Variants in EZH2 observed in about 807,000 individuals in gnomAD.
EZH2 encodes histone-lysine N-methyltransferase EZH2.
A neutral mutation model predicts 98.4 loss-of-function variants in EZH2; 18 were observed. The observed-to-expected ratio is 0.18, with a 90% CI of 0.13 to 0.27. The LOEUF is 0.27. Among genes scored for constraint, EZH2 ranks in the 10% least tolerant of loss-of-function variants. The pLI, the probability that EZH2 is intolerant of heterozygous loss-of-function variation, is 1.00. For missense variants in EZH2, 470 were observed against 935.1 expected (o/e 0.50, Z 6.49); for synonymous variants, 338 against 312.3 (o/e 1.08, Z -0.87).
At chr7:148,810,675 G>GT (rs909167893) in intron 16 of EZH2, among the ~76,000 whole-genome samples, 4 of 152,122 alleles carry the variant, frequency 2.6e-5, no homozygotes, top group African/African-American at 4.8e-5. Flanking sequence ...TTTTTGCTGA[G>GT]TTTTTTAAAA....
chr7:148,837,138 C>G (rs1010676217), intron 3 of EZH2: 3 of 361,666 alleles, frequency 8.3e-6, no homozygotes, highest in African/African-American at 2.1e-5. Context: ...AGTGGACATC[C>G]CAAAGACAAC....
At chr7:148,807,786 G>A (rs1390519041) in intron 19 of EZH2, 80 bp from the exon 20 acceptor site, 15 of 688,204 alleles carry the variant, frequency 2.2e-5, no homozygotes, top group Non-Finnish European at 3.7e-5. Flanking sequence ...AAAGCCTGCT[G>A]AAGATAGTGG....
chr7:148,855,334 A>C (rs1816637028), intron 1 of EZH2, among the ~76,000 whole-genome samples: 1 of 152,262 alleles, frequency 6.6e-6, no homozygotes, highest in Non-Finnish European at 1.5e-5. Flanking sequence ...GAGAAGAGTT[A>C]GTTGTATTAA....
chr7:148,821,185 A>C (rs1482289479), intron 8 of EZH2: 3 of 152,082 alleles, frequency 2.0e-5, no homozygotes, highest in African/African-American at 4.8e-5. Flanking sequence ...ATAACTACAG[A>C]CAGTATAATT....
chr7:148,876,310 G>A (rs958541479), intron 1 of EZH2: 1 of 151,670 alleles, frequency 6.6e-6, no homozygotes, highest in Admixed American at 6.6e-5. Flanking sequence ...AAAAAGTTGA[G>A]AGAATGACTG....
intron 1 of EZH2, among the ~76,000 whole-genome samples, chr7:148,874,077 A>G (rs974499003): frequency 4.6e-5 from 7 of 152,184 alleles, no homozygotes; most frequent in African/African-American, 1.7e-4. Flanking sequence ...GATCAACAGG[A>G]GAAAGATATA....
chr7:148,846,447 TACA>T lies in EZH2; in HGVS notation c.246+20_246+22del, dbSNP rs1336272513. The stretch of plus-strand genomic sequence containing the variant: ...TAAACCAAAAGATGATGATAATTAC[TACA>T]ACATGTTATGTTAACCAACCTCCCT... On this transcript the variant is annotated intron_variant, in intron 3 of 19. Coordinates refer to ENST00000320356, the MANE Select transcript of EZH2 (RefSeq NM_004456.5). 4 of 1,601,818 alleles carry T rather than the reference TACA, an allele frequency of 2.5e-6. No individual in the cohort carries two copies. In the African/African-American group the frequency reaches 4.0e-5, roughly 16 times the overall value.
chr7:148,869,674 G>C (rs1303291006), intron 1 of EZH2, among the ~76,000 whole-genome samples: 1 of 152,206 alleles, frequency 6.6e-6, no homozygotes, highest in East Asian at 1.9e-4. Context: ...CTACCTGAGG[G>C]AACCTAGGCA....
chr7:148,857,831 A>G lies in EZH2; in HGVS notation c.-7-10526T>C, dbSNP rs1018416505. Among the ~76,000 whole-genome samples, 6 of 152,250 alleles carry G rather than the reference A, an allele frequency of 3.9e-5. No homozygotes were observed. In the South Asian group the frequency reaches 1.2e-3, roughly 32 times the overall value. On this transcript the variant is annotated intron_variant, in intron 1 of 19. Transcript: ENST00000320356. ...TATTTGTTAAAGCAAATTAGGTTACATAACAACCCAATGTAAAGGCATTCA... is the reference window on the plus strand; with the variant it reads ...TATTTGTTAAAGCAAATTAGGTTACGTAACAACCCAATGTAAAGGCATTCA...
intron 1 of EZH2, among the ~76,000 whole-genome samples, chr7:148,862,037 T>G (rs906199867): frequency 3.9e-5 from 6 of 152,144 alleles, no homozygotes; most frequent in African/African-American, 1.4e-4. Flanking sequence ...TGCTTTGATA[T>G]TACACCAAAA....
At chr7:148,851,704 A>G (rs1399143921) in intron 1 of EZH2, among the ~76,000 whole-genome samples, 1 of 152,152 alleles carries the variant, frequency 6.6e-6, no homozygotes, top group East Asian at 1.9e-4. Flanking sequence ...ATCTCAAATC[A>G]ATAAATAAGC....
At chr7:148,833,413 C>T (rs1417243923) in intron 3 of EZH2, among the ~76,000 whole-genome samples, 10 of 150,780 alleles carry the variant, frequency 6.6e-5, no homozygotes, top group Non-Finnish European at 7.4e-5. Flanking sequence ...GTCGAGATCG[C>T]GCCACTGCAC....
At chr7:148,848,836 C>T (rs1814895607) in intron 1 of EZH2, among the ~76,000 whole-genome samples, 1 of 152,076 alleles carries the variant, frequency 6.6e-6, no homozygotes, top group South Asian at 2.1e-4. Context: ...CAGGACACCC[C>T]TCGGATACCA....
At chr7:148,864,943 A>T (rs1043074085) in intron 1 of EZH2, among the ~76,000 whole-genome samples, 1 of 152,082 alleles carries the variant, frequency 6.6e-6, no homozygotes, top group Non-Finnish European at 1.5e-5. Context: ...CCTGGCCAAC[A>T]CGGTAAAACC....
At chr7:148,830,770 T>C (rs560647220) in intron 4 of EZH2, among the ~76,000 whole-genome samples, 15 of 152,152 alleles carry the variant, frequency 9.9e-5, no homozygotes, top group Non-Finnish European at 1.8e-4. Context: ...CAGAATAGAA[T>C]AGTTAAGCAT....
chr7:148,870,513 G>A (rs1213079871), intron 1 of EZH2, among the ~76,000 whole-genome samples: 4 of 151,866 alleles, frequency 2.6e-5, no homozygotes, highest in African/African-American at 9.7e-5. Flanking sequence ...ACCAGCCGGG[G>A]CAACATGGCG....
chr7:148,807,802 T>A, intron 19 of EZH2, 96 bp from the exon 20 acceptor site: 1 of 536,098 alleles, frequency 1.9e-6, no homozygotes, highest in Admixed American at 3.8e-5. Context: ...AGTGGGTGCA[T>A]TAAAATGTCT....
rs2129485367 is a variant in EZH2, at chr7:148,847,198, C to T, written c.101G>A (p.Arg34Gln). 6.2e-7 allele frequency: 1 copy of T among 1,611,376 alleles called. No individual in the cohort carries two copies. Among genetic ancestry groups the T allele is most frequent in the Non-Finnish European group, 8.5e-7 (1 of 1,179,290 alleles). Residue 34 changes from arginine (R) to glutamine (Q), a missense_variant, in exon 2 of 20, where the codon CGA (arginine) becomes CAA (glutamine). By Grantham distance (43) the Arg-to-Gln change is conservative (BLOSUM62 1). This residue lies in a region of EZH2 where 79 missense variants were observed against 122.1 expected (regional missense o/e 0.65). Coordinates refer to ENST00000320356, the MANE Select transcript of EZH2 (RefSeq NM_004456.5). ...AAATTATACCTTTACTTCATCAGCT[C>T]GTCTGAACCTCTTGAGCTGTCTCAG... ...MRLRQLKRFR[R>Q]ADEVKSMFSS...
At chr7:148,863,732 G>C (rs549618713) in intron 1 of EZH2, among the ~76,000 whole-genome samples, 1 of 152,190 alleles carries the variant, frequency 6.6e-6, no homozygotes, top group East Asian at 1.9e-4. Flanking sequence ...GACTCAAATA[G>C]TCCACTCAAC....
Sources: allele counts gnomAD v4.1 joint callset (sites outside exome capture counted in the v4.1 genomes callset), GRCh38; gene constraint gnomAD v4.1.1; regional missense constraint gnomAD v4.1.1; transcripts MANE v1.5; gene names NCBI Gene and HGNC (gene_info 2026-07-23, HGNC 2026-07-21).